KMT2C: variants seen among roughly 807,000 people sequenced by gnomAD.
KMT2C encodes histone-lysine N-methyltransferase 2C.
A neutral mutation model predicts 507.9 loss-of-function variants in KMT2C; 88 were observed. That is an observed-to-expected ratio of 0.17 (90% CI 0.15 to 0.21). The LOEUF (loss-of-function observed/expected upper bound fraction) is 0.21. Among genes scored for constraint, KMT2C ranks in the 10% least tolerant of loss-of-function variants. The pLI is 1.00. For synonymous variants in KMT2C, 2,049 were observed against 2,080.8 expected, an observed-to-expected ratio of 0.98 and a Z score of 0.42; for missense variants, 4,954 against 5,957.8, an observed-to-expected ratio of 0.83 and a Z score of 5.55.
At chr7:152,152,628 A>G in intron 49 of KMT2C, 77 bp downstream of exon 49, 2 of 1,530,846 alleles carry the variant, frequency 1.3e-6, no homozygotes, top group Non-Finnish European at 1.8e-6. Flanking sequence ...GTTAAAAGAT[A>G]ATCAGTATCT....
intron 22 of KMT2C, among the ~76,000 whole-genome samples, chr7:152,221,769 T>A (rs920606795): frequency 3.3e-5 from 5 of 152,222 alleles, no homozygotes; most frequent in Non-Finnish European, 5.9e-5. Flanking sequence ...ATGGCATTAA[T>A]GGTTATTCTA....
At chr7:152,431,255 CAATA>C (rs1564236166) in intron 1 of KMT2C, among the ~76,000 whole-genome samples, 2 of 151,348 alleles carry the variant, frequency 1.3e-5, no homozygotes, top group African/African-American at 2.4e-5. Context: ...TATTAGTAAA[CAATA>C]TATAAATTTG....
chr7:152,371,301 G>A (rs1474186090), intron 1 of KMT2C, among the ~76,000 whole-genome samples: 1 of 152,112 alleles, frequency 6.6e-6, no homozygotes, highest in Non-Finnish European at 1.5e-5. Context: ...ATACTGTTGA[G>A]GTTGTCAGCT....
chr7:152,259,446 G>GCACACACACACACACACACACACACACA (rs372982101), intron 9 of KMT2C, among the ~76,000 whole-genome samples: 6 of 134,786 alleles, frequency 4.5e-5, no homozygotes, highest in Non-Finnish European at 9.5e-5. Context: ...ACACACACGC[G>GCACACACACACACACACACACACACACA]CACACACACA....
intron 12 of KMT2C, 91 bp downstream of exon 12, chr7:152,250,762 G>A (rs1418635819): frequency 1.4e-6 from 1 of 710,994 alleles, no homozygotes; most frequent in Non-Finnish European, 2.5e-6. Context: ...ACTGCATCTT[G>A]GCTTTTACTG....
intron 24 of KMT2C, 34 bp from the exon 25 acceptor site, chr7:152,205,259 T>G (rs747959566): frequency 6.3e-7 from 1 of 1,593,416 alleles, no homozygotes; most frequent in Non-Finnish European, 8.6e-7. Context: ...AACTGATAAG[T>G]AATTTCTCCC....
Position 152,148,567 on chromosome 7 carries a change from G to T in KMT2C, c.13360C>A (p.Leu4454Met). Residue 4454 changes from leucine to methionine, a missense_variant, in exon 52 of 59, where the codon CTG becomes ATG. Around this residue, in one of 29 missense-constraint regions of KMT2C, gnomAD observed 39 missense variants for 101.8 expected, o/e 0.38. Coordinates refer to ENST00000262189, the MANE Select transcript of KMT2C (RefSeq NM_170606.3). The surrounding 1 kb of genome is among the most constrained non-coding windows in gnomAD (Gnocchi z 7.1). Reference sequence around the variant, plus strand: ...CATTTCATTTGTAGGCCTCTCCTCAGAGCTAGCTCCACATTTATTAAGGCA... The same window carrying T: ...CATTTCATTTGTAGGCCTCTCCTCATAGCTAGCTCCACATTTATTAAGGCA... Reference protein sequence around the residue: ...AGALINVELALRRGLQMKCVF... With the variant: ...AGALINVELAMRRGLQMKCVF... The T allele has an allele frequency of 3.7e-6, 6 of 1,614,242 alleles. No homozygotes were observed. Among genetic ancestry groups the T allele is most frequent in the Non-Finnish European group, 5.1e-6 (6 of 1,180,052 alleles).
rs1228591965 is a variant in KMT2C at position 152,138,740 on chromosome 7, G to A, written c.14643+56C>T. 1.9e-6 allele frequency: 2 copies of A among 1,049,344 alleles called. No homozygotes were observed. The highest frequency in any genetic ancestry group is 3.0e-5 in the South Asian group (2 of 66,492). The allele number at this position is 1,049,344 out of a possible 1,614,324, so 65.0% of individuals were successfully genotyped here. On this transcript the variant is annotated intron_variant, in intron 58 of 58. Coordinates refer to ENST00000262189, the MANE Select transcript of KMT2C (RefSeq NM_170606.3). The surrounding 1 kb of genome is among the most constrained non-coding windows in gnomAD (Gnocchi z 4.2). ...TGAGTAAGTGACCTGTGTGAGGAGG[G>A]AACTATTCGCCCAGGATCTGAACAA...
Position 152,174,752 on chromosome 7 carries a change from T to C in KMT2C, c.9263-510A>G, listed in dbSNP as rs751815772. Among the ~76,000 whole-genome samples, 15 of 152,208 alleles carry C rather than the reference T, an allele frequency of 9.9e-5. 1 individual carries two copies. Among genetic ancestry groups the C allele is most frequent in the Non-Finnish European group, 2.1e-4 (14 of 68,038 alleles). On this transcript the variant is annotated intron_variant, in intron 38 of 58. Coordinates refer to ENST00000262189, the MANE Select transcript of KMT2C (RefSeq NM_170606.3). ...GGGGATATATAAAATGGAATGTCAA[T>C]TTTATTATTTAGAATAAGGCACACT...
chr7:152,305,554 CTTT>C, intron 6 of KMT2C, among the ~76,000 whole-genome samples: 1 of 142,432 alleles, frequency 7.0e-6, no homozygotes. Flanking sequence ...AGCAAGGAAT[CTTT>C]TTTTTTTTTT....
At chr7:152,358,477 T>C (rs2097170161) in intron 2 of KMT2C, 110 bp downstream of exon 2, 3 of 674,448 alleles carry the variant, frequency 4.4e-6, no homozygotes, top group Non-Finnish European at 7.4e-6. Flanking sequence ...TAGAGTTCAG[T>C]ATAAAAACAA....
At chr7:152,207,034 A>G (rs2094327336) in intron 24 of KMT2C, among the ~76,000 whole-genome samples, 1 of 152,236 alleles carries the variant, frequency 6.6e-6, no homozygotes, top group African/African-American at 2.4e-5. Flanking sequence ...AAGCCAATCT[A>G]GTAAAGCCTT....
rs376494504 is a variant in KMT2C, at chr7:152,330,169, T to TGG, written c.389+430_389+431dup. Reference sequence around the variant, plus strand: ...AAAAAAGGGAGGGGGGGAGGGGTGGTGGGGGGGGGGAGAAAAAGAAAGAAA... The same window carrying TGG: ...AAAAAAGGGAGGGGGGGAGGGGTGGTGGGGGGGGGGGGAGAAAAAGAAAGAAA... On this transcript the variant is annotated intron_variant, in intron 3 of 58. Transcript: ENST00000262189. 1.4e-3 allele frequency among the ~76,000 whole-genome samples: 58 copies of TGG among 40,974 alleles called. 1 individual carries two copies. The East Asian group carries it at 0.017, about 12-fold the overall frequency. 26.9% of individuals were successfully genotyped at this position (40,974 alleles called of 152,430 possible). A position where few individuals can be genotyped will look rare whatever the true frequency, so the allele number is the denominator to read the frequency against.
intron 2 of KMT2C, among the ~76,000 whole-genome samples, chr7:152,344,796 G>C (rs920049085): frequency 6.6e-6 from 1 of 151,976 alleles, no homozygotes; most frequent in Non-Finnish European, 1.5e-5. Flanking sequence ...GACCATCCTG[G>C]CTAACACAGT....
At chr7:152,239,341 C>T (rs566552514) in intron 14 of KMT2C, among the ~76,000 whole-genome samples, 7 of 152,202 alleles carry the variant, frequency 4.6e-5, no homozygotes, top group African/African-American at 1.4e-4. Flanking sequence ...AATGCATACA[C>T]GTTAAACTGT....
chr7:152,150,470 G>A (rs1226521023), intron 51 of KMT2C, among the ~76,000 whole-genome samples: 2 of 152,040 alleles, frequency 1.3e-5, no homozygotes, highest in African/African-American at 4.8e-5. Flanking sequence ...ACAAAAATTA[G>A]CTGGGCGTGG....
intron 9 of KMT2C, among the ~76,000 whole-genome samples, chr7:152,254,015 A>G (rs1209741623): frequency 1.3e-5 from 2 of 152,300 alleles, no homozygotes; most frequent in East Asian, 3.9e-4. Flanking sequence ...TTTCTGTGCT[A>G]CCAGGTTGAT....
At chr7:152,307,238 G>A (rs1388666885) in intron 6 of KMT2C, among the ~76,000 whole-genome samples, 1 of 130,514 alleles carries the variant, frequency 7.7e-6, no homozygotes, top group Non-Finnish European at 1.5e-5. Flanking sequence ...AGGAAGGAAG[G>A]AAGGAAGGAA....
At chr7:152,423,953 A>C (rs1259359947) in intron 1 of KMT2C, among the ~76,000 whole-genome samples, 1 of 152,224 alleles carries the variant, frequency 6.6e-6, no homozygotes, top group African/African-American at 2.4e-5. Flanking sequence ...CTACACTGTG[A>C]CAATTCCATT....
Sources: allele counts gnomAD v4.1 joint callset (sites outside exome capture counted in the v4.1 genomes callset), GRCh38; gene constraint gnomAD v4.1.1; regional missense constraint gnomAD v4.1.1; non-coding constraint Gnocchi (gnomAD v3.1); transcripts MANE v1.5; gene names NCBI Gene and HGNC (gene_info 2026-07-23, HGNC 2026-07-21).